The following PPIP5K1 variants were observed in gnomAD, a reference collection of about 807,000 sequenced individuals.
PPIP5K1 encodes diphosphoinositol pentakisphosphate kinase 1, also known as inositol hexakisphosphate and diphosphoinositol-pentakisphosphate kinase 1.
A neutral mutation model predicts 27.7 loss-of-function variants in PPIP5K1; 6 were observed. The ratio of observed to expected loss-of-function variants is 0.22; its 90% CI spans 0.12 to 0.43. The LOEUF (loss-of-function observed/expected upper bound fraction) is 0.43. Ranked by LOEUF, PPIP5K1 falls within the 20% of genes least tolerant of loss-of-function variation. The pLI is 1.00. For synonymous variants in PPIP5K1, 145 were observed against 242.6 expected (o/e 0.60, Z 3.74); for missense variants, 394 against 635.4 (o/e 0.62, Z 4.08).
chr15:43,542,301 CGG>C (rs35106975), intron 30 of PPIP5K1, among the ~76,000 whole-genome samples: 10,579 of 122,934 alleles, frequency 0.086, 514 homozygotes, highest in South Asian at 0.14. Flanking sequence ...TTAATTTTGG[CGG>C]GGGGGGGGGG....
intron 30 of PPIP5K1, among the ~76,000 whole-genome samples, chr15:43,540,156 G>A (rs1224701720): frequency 1.3e-5 from 2 of 152,140 alleles, no homozygotes; most frequent in Non-Finnish European, 2.9e-5. Flanking sequence ...GAAGGCTGAG[G>A]CTTGAGAATC....
At chr15:43,543,604 C>T (rs2081035774) in intron 30 of PPIP5K1, among the ~76,000 whole-genome samples, 1 of 152,052 alleles carries the variant, frequency 6.6e-6, no homozygotes, top group South Asian at 2.1e-4. Flanking sequence ...GCTCATGCTA[C>T]ATTTGCCAAT....
intron 30 of PPIP5K1, among the ~76,000 whole-genome samples, chr15:43,549,062 T>A (rs1370108458): frequency 3.4e-4 from 23 of 68,646 alleles, no homozygotes; most frequent in Admixed American, 3.5e-4. Context: ...AAAAAATATA[T>A]ATATATATAT....
chr15:43,559,998 GGCTTCTGT>G (rs1446136855), intron 29 of PPIP5K1, among the ~76,000 whole-genome samples: 2 of 151,844 alleles, frequency 1.3e-5, no homozygotes, highest in Non-Finnish European at 1.5e-5. Context: ...ATACAATTGA[GGCTTCTGT>G]GCCTCAATTT....
intron 30 of PPIP5K1, among the ~76,000 whole-genome samples, chr15:43,544,226 A>T (rs1342646733): frequency 6.6e-6 from 1 of 152,114 alleles, no homozygotes; most frequent in Non-Finnish European, 1.5e-5. Context: ...TTGTAAATAT[A>T]TATGTATTTT....
chr15:43,558,321 A>G (rs927575711), intron 30 of PPIP5K1, among the ~76,000 whole-genome samples: 9 of 149,596 alleles, frequency 6.0e-5, no homozygotes, highest in African/African-American at 2.2e-4. Context: ...TCTGCCTCCC[A>G]GGTTCAAGCG....
At chr15:43,557,861 G>A (rs1662312875) in intron 30 of PPIP5K1, among the ~76,000 whole-genome samples, 2 of 146,322 alleles carry the variant, frequency 1.4e-5, no homozygotes, top group South Asian at 2.2e-4. Flanking sequence ...GGAGAGATGG[G>A]GGTCTCACTA....
chr15:43,538,843 T>A (rs1052266460), intron 31 of PPIP5K1, among the ~76,000 whole-genome samples: 4 of 152,212 alleles, frequency 2.6e-5, no homozygotes, highest in Non-Finnish European at 2.9e-5. Flanking sequence ...ATATCTAGGT[T>A]GTCTGCTAGT....
At chr15:43,555,218 T>C (rs2082781190) in intron 30 of PPIP5K1, among the ~76,000 whole-genome samples, 1 of 152,252 alleles carries the variant, frequency 6.6e-6, no homozygotes, top group South Asian at 2.1e-4. Flanking sequence ...GCTTTTCTTC[T>C]GCTCACCTTA....
At chr15:43,555,922 A>G (rs2082880656) in intron 30 of PPIP5K1, among the ~76,000 whole-genome samples, 1 of 152,206 alleles carries the variant, frequency 6.6e-6, no homozygotes. Flanking sequence ...TTTTTACTTT[A>G]AGTAATATTC....
intron 30 of PPIP5K1, 47 bp downstream of exon 30, chr15:43,558,748 T>C: frequency 6.2e-7 from 1 of 1,607,618 alleles, no homozygotes; most frequent in Non-Finnish European, 8.5e-7. Context: ...CTAGGAAGCA[T>C]GGGCATGGGG....
chr15:43,534,719 C>T lies in PPIP5K1; in HGVS notation c.4428G>A (p.Glu1476=). ...CCTCCTGGGCCTGCAGATCAATCTC[C>T]TCAGGGAACTCTTGGGATGGTTTAT... The part of the protein sequence containing the change: ...EIDKPSQEFP[E]EIDLQAQEVP... Residue 1476 remains glutamate (E), a synonymous_variant, in exon 32 of 32, where the codon GAG becomes GAA. Transcript: ENST00000420765. The T allele has an allele frequency of 6.5e-7, 1 of 1,538,416 alleles. No individual in the cohort carries two copies. Among genetic ancestry groups the T allele is most frequent in the Non-Finnish European group, 8.7e-7 (1 of 1,146,308 alleles).
At chr15:43,548,823 C>T (rs1302328592) in intron 30 of PPIP5K1, 6 of 150,988 alleles carry the variant, frequency 4.0e-5, no homozygotes, top group Admixed American at 2.0e-4. Context: ...GTCAGGAGTT[C>T]GAGAGCAGCC....
Position 43,536,581 on chromosome 15 carries a change from T to C in PPIP5K1, c.3671-1105A>G, listed in dbSNP as rs973492907. On this transcript the variant is annotated intron_variant, in intron 31 of 31. Coordinates refer to ENST00000420765, the MANE Select transcript of PPIP5K1 (RefSeq NM_001394395.1). ...ATATAAGAATATTCACACTAATCTT[T>C]ACATGTGATTCCTGAAGCTCACAGA... is the stretch of plus-strand genomic sequence containing the variant. 2.6e-5 allele frequency among the ~76,000 whole-genome samples: 4 copies of C among 152,310 alleles called. No individual in the cohort carries two copies. The South Asian group carries it at 6.2e-4, about 24-fold the overall frequency.
chr15:43,534,740 T>C lies in PPIP5K1; in HGVS notation c.4407A>G (p.Lys1469=), dbSNP rs571614436. 3.7e-5 allele frequency: 57 copies of C among 1,546,976 alleles called. No homozygotes were observed. The South Asian group carries it at 6.5e-4, about 18-fold the overall frequency. The change falls in exon 32 of 32, where the codon AAA becomes AAG. Residue 1469 remains lysine (K), a synonymous_variant. Transcript: ENST00000420765. ...TCTCCTCAGGGAACTCTTGGGATGG[T>C]TTATCAATCTCAGGGATGCCCTGAG... The part of the protein sequence containing the change: ...LLSQGIPEID[K]PSQEFPEEID...
intron 31 of PPIP5K1, among the ~76,000 whole-genome samples, chr15:43,536,420 G>GAA (rs75062802): frequency 5.8e-5 from 6 of 103,398 alleles, no homozygotes; most frequent in East Asian, 2.7e-4. Context: ...CTCTGTCTCA[G>GAA]AAAAAAAAAA....
intron 30 of PPIP5K1, 43 bp downstream of exon 30, chr15:43,558,751 GC>G: frequency 6.2e-7 from 1 of 1,608,618 alleles, no homozygotes; most frequent in African/African-American, 1.3e-5. Context: ...GGAAGCATGG[GC>G]ATGGGGGCAG....
chr15:43,558,123 G>A (rs1180703727), intron 30 of PPIP5K1, among the ~76,000 whole-genome samples: 2 of 148,332 alleles, frequency 1.3e-5, no homozygotes, highest in East Asian at 2.0e-4. Flanking sequence ...GTGCAGTGGT[G>A]CGATCTTGGC....
Position 43,535,001 on chromosome 15 carries a change from G to A in PPIP5K1, c.4146C>T (p.Cys1382=). 1 of 1,613,488 alleles carries A rather than the reference G, an allele frequency of 6.2e-7. No individual in the cohort carries two copies. ...QLCQKVSEEV[C]QLCLENSEEV... is the part of the protein sequence containing the mutation. The stretch of plus-strand genomic sequence containing the variant: ...CCTCGGAGTTCTCCAGACATAGCTG[G>A]CAAACTTCCTCAGAGACTTTCTGGC... Residue 1382 remains cysteine, a synonymous_variant, in exon 32 of 32, where the codon TGC becomes TGT. Transcript: ENST00000420765.
Sources: allele counts gnomAD v4.1 joint callset (sites outside exome capture counted in the v4.1 genomes callset), GRCh38; gene constraint gnomAD v4.1.1; transcripts MANE v1.5; gene names NCBI Gene and HGNC (gene_info 2026-07-23, HGNC 2026-07-21).